The following TRPM8 variants were observed in gnomAD, a reference collection of about 807,000 sequenced individuals.
The protein encoded by TRPM8 is transient receptor potential cation channel subfamily M member 8, also known as TRPM8 cationic channel.
Under a neutral mutation model 133.7 loss-of-function variants are expected in TRPM8, and 110 were observed. The ratio of observed to expected loss-of-function variants is 0.82; its 90% CI spans 0.70 to 0.96. TRPM8 has a LOEUF of 0.96. TRPM8 is among the 40% of genes least tolerant of loss of function. TRPM8 has a pLI of 0.00. For missense variants in TRPM8, 1,291 were observed against 1,379.5 expected (o/e 0.94, Z 1.02); for synonymous variants, 535 against 532.3 (o/e 1.01, Z -0.07).
rs1410316745 is a variant in TRPM8 at position 234,018,542 on chromosome 2, A to G, written c.*1286A>G. The G allele has an allele frequency of 1.3e-5, 2 of 152,054 alleles. No individual in the cohort carries two copies. The highest frequency in any genetic ancestry group is 4.8e-5 in the African/African-American group (2 of 41,442). The allele number at this position is 152,054 out of a possible 1,614,324, so 9.4% of individuals were successfully genotyped here. ...GATATGAGATACATGAACCTGAACT[A>G]TTAAAATAAAATATTATATTTAACC... On this transcript the variant is annotated 3_prime_UTR_variant, in exon 26 of 26. Coordinates refer to ENST00000324695, the MANE Select transcript of TRPM8 (RefSeq NM_024080.5).
Position 233,997,849 on chromosome 2 carries a change from C to T in TRPM8, c.3130+1333C>T, listed in dbSNP as rs138125396. On this transcript the variant is annotated intron_variant, in intron 22 of 25. Coordinates refer to ENST00000324695, the MANE Select transcript of TRPM8 (RefSeq NM_024080.5). ...GGCTGCTCCCCACCCAGCCACCACT[C>T]CCTACCCCTGAAGTGGTAGCAGCTG... 2.7e-3 allele frequency among the ~76,000 whole-genome samples: 409 copies of T among 152,252 alleles called. 2 individuals are homozygous for T. The highest frequency in any genetic ancestry group is 0.026 in the East Asian group (134 of 5,176).
At chr2:233,957,497 CAA>C (rs1691321427) in intron 11 of TRPM8, among the ~76,000 whole-genome samples, 2 of 151,588 alleles carry the variant, frequency 1.3e-5, no homozygotes, top group South Asian at 2.1e-4. Flanking sequence ...TCAAAACAAA[CAA>C]ACACACACAA....
intron 3 of TRPM8, 77 bp downstream of exon 3, chr2:233,930,818 C>T (rs1691665792): frequency 1.2e-6 from 1 of 866,934 alleles, no homozygotes; most frequent in East Asian, 2.5e-5. Context: ...CAAACAAATG[C>T]TCCCTAGTTC....
intron 21 of TRPM8, among the ~76,000 whole-genome samples, chr2:233,991,656 C>T (rs1449464007): frequency 6.6e-6 from 1 of 152,156 alleles, no homozygotes; most frequent in Non-Finnish European, 1.5e-5. Context: ...CTACTTTTTC[C>T]TTGTGAATTT....
intron 2 of TRPM8, among the ~76,000 whole-genome samples, chr2:233,927,773 T>C (rs57089139): frequency 0.011 from 720 of 64,698 alleles, 30 homozygotes; most frequent in African/African-American, 0.054. Context: ...TTTCTTTCTT[T>C]CTTTCTTTCT....
At chr2:233,979,613 C>A (rs577142114) in intron 17 of TRPM8, among the ~76,000 whole-genome samples, 3 of 152,334 alleles carry the variant, frequency 2.0e-5, no homozygotes, top group East Asian at 3.9e-4. Context: ...AGAATCATGA[C>A]CAATACATAC....
intron 2 of TRPM8, among the ~76,000 whole-genome samples, chr2:233,927,908 T>TTCTTTC (rs1559516638): frequency 2.6e-5 from 1 of 38,872 alleles, no homozygotes. Context: ...CTTTCTTTCT[T>TTCTTTC]TCTCTCTCTC....
At chr2:233,925,851 G>C (rs956091937) in intron 1 of TRPM8, among the ~76,000 whole-genome samples, 6 of 152,106 alleles carry the variant, frequency 3.9e-5, no homozygotes, top group African/African-American at 1.4e-4. Context: ...CGAGGGGAGA[G>C]GGGCCTCCTG....
chr2:233,953,315 C>T (rs1394795565), intron 9 of TRPM8, among the ~76,000 whole-genome samples: 1 of 152,222 alleles, frequency 6.6e-6, no homozygotes, highest in East Asian at 1.9e-4. Flanking sequence ...TAATGGAAAC[C>T]AGACTTGCTC....
intron 1 of TRPM8, among the ~76,000 whole-genome samples, chr2:233,926,230 C>T (rs1691511601): frequency 6.6e-6 from 1 of 152,202 alleles, no homozygotes; most frequent in South Asian, 2.1e-4. Context: ...CCTTTCAGAG[C>T]TTGCAGTCTG....
chr2:234,002,833 G>A (rs1015061196), intron 22 of TRPM8, among the ~76,000 whole-genome samples: 1 of 152,174 alleles, frequency 6.6e-6, no homozygotes, highest in African/African-American at 2.4e-5. Context: ...CACAGGTGTT[G>A]TGTCTTTCAG....
At chr2:233,999,681 C>A (rs997567076) in intron 22 of TRPM8, among the ~76,000 whole-genome samples, 2 of 152,242 alleles carry the variant, frequency 1.3e-5, no homozygotes, top group Admixed American at 1.3e-4. Flanking sequence ...AAATGCGTGG[C>A]GCCCTTGGAG....
In TRPM8 at chr2:233,981,900, A is replaced by G; in HGVS notation, c.2574A>G (p.Ile858Met). The change falls in exon 19 of 26, where the codon ATA (isoleucine) becomes ATG (methionine). Residue 858 changes from isoleucine to methionine, a missense_variant. Ile to Met is a conservative substitution (Grantham distance 10). Transcript: ENST00000324695. ...TVSRNLGPKI[I>M]MLQRMLIDVF... ...GCAGAAACTTAGGACCCAAGATTATAATGCTGCAGAGGATGGTAAGAGTCA... is the reference window on the plus strand; with the variant it reads ...GCAGAAACTTAGGACCCAAGATTATGATGCTGCAGAGGATGGTAAGAGTCA... The G allele has an allele frequency of 1.2e-6, 2 of 1,611,300 alleles. No individual in the cohort carries two copies. Among genetic ancestry groups the G allele is most frequent in the Non-Finnish European group, 1.7e-6 (2 of 1,179,326 alleles).
intron 17 of TRPM8, among the ~76,000 whole-genome samples, chr2:233,977,580 C>T (rs930435748): frequency 3.3e-5 from 5 of 152,270 alleles, no homozygotes; most frequent in African/African-American, 7.2e-5. Flanking sequence ...CTTATCTTAC[C>T]AGGCACCAGA....
At chr2:233,940,535 A>G (rs34032602) in intron 5 of TRPM8, among the ~76,000 whole-genome samples, 6,450 of 152,310 alleles carry the variant, frequency 0.042, 173 homozygotes, top group Admixed American at 0.075. Context: ...AACAAAACGG[A>G]CAAAAAGTCC....
chr2:233,950,086 C>G lies in TRPM8; in HGVS notation c.1080C>G (p.Arg360=), dbSNP rs759595218. The change falls in exon 9 of 26, where the codon CGC becomes CGG. Residue 360 remains arginine (R), a synonymous_variant. Transcript: ENST00000324695. The part of the protein sequence containing the change: ...TSSAVKEKLV[R]FLPRTVSRLP... ...CTGCCGTCAAGGAGAAGCTGGTGCG[C>G]TTTTTACCCCGCACGGTGTCCCGGC... 6.2e-7 allele frequency: 1 copy of G among 1,613,858 alleles called. No individual in the cohort carries two copies. The highest frequency in any genetic ancestry group is 8.5e-7 in the Non-Finnish European group (1 of 1,180,034).
At chr2:233,978,198 A>AGTGTGTGTGTGTGTGTGT (rs59259744) in intron 17 of TRPM8, among the ~76,000 whole-genome samples, 7 of 146,008 alleles carry the variant, frequency 4.8e-5, no homozygotes, top group African/African-American at 1.8e-4. Context: ...GGAATATTAT[A>AGTGTGTGTGTGTGTGTGT]GTGTGTGTGT....
Position 233,927,854 on chromosome 2 carries a change from T to TCCTTTC in TRPM8, c.117+1200_117+1201insCCTTTC, listed in dbSNP as rs1559516476. ...TTCCTTCCTTCCTTCCTTCCTTCCT[T>TCCTTTC]TCTTTCTCTTTCTTTCTTTCTTTCT... On this transcript the variant is annotated intron_variant, in intron 2 of 25. Transcript: ENST00000324695. 1.1e-4 allele frequency among the ~76,000 whole-genome samples: 6 copies of TCCTTTC among 55,982 alleles called. 1 individual carries two copies. Among genetic ancestry groups the TCCTTTC allele is most frequent in the East Asian group, 5.7e-4 (1 of 1,762 alleles). 36.7% of individuals were successfully genotyped at this position (55,982 alleles called of 152,430 possible).
At chr2:234,002,418 G>A (rs940942802) in intron 22 of TRPM8, among the ~76,000 whole-genome samples, 8 of 152,186 alleles carry the variant, frequency 5.3e-5, no homozygotes, top group African/African-American at 1.9e-4. Flanking sequence ...ACTGTAGACA[G>A]GAGACACTAC....
Sources: allele counts gnomAD v4.1 joint callset (sites outside exome capture counted in the v4.1 genomes callset), GRCh38; gene constraint gnomAD v4.1.1; transcripts MANE v1.5; gene names NCBI Gene and HGNC (gene_info 2026-07-23, HGNC 2026-07-21).